Variants in RELN observed in about 807,000 individuals in gnomAD.
RELN encodes the protein reelin.
Under a neutral mutation model 427.6 loss-of-function variants are expected in RELN, and 108 were observed. The observed-to-expected ratio is 0.25, with a 90% confidence interval of 0.22 to 0.30. RELN has a LOEUF of 0.30. Ranked by LOEUF, RELN falls within the 10% of genes least tolerant of loss-of-function variation. The pLI is 1.00. For missense variants in RELN, 3,715 were observed against 4,302.8 expected (o/e 0.86, Z 3.82); for synonymous variants, 1,524 against 1,513.4 (o/e 1.01, Z -0.16).
chr7:103,874,752 G>T (rs1339992977), intron 2 of RELN, among the ~76,000 whole-genome samples: 1 of 150,788 alleles, frequency 6.6e-6, no homozygotes, highest in East Asian at 2.0e-4. Flanking sequence ...TGGGTAGGAA[G>T]AATCAATATT....
intron 3 of RELN, among the ~76,000 whole-genome samples, chr7:103,790,918 G>A (rs1371477910): frequency 5.9e-5 from 9 of 151,972 alleles, no homozygotes; most frequent in Admixed American, 3.9e-4. Context: ...GCCAGATCGC[G>A]CCACTGCACT....
chr7:103,813,935 T>G lies in RELN; in HGVS notation c.473+19602A>C, dbSNP rs528763710. On this transcript the variant is annotated intron_variant, in intron 3 of 64. Transcript: ENST00000428762. Reference sequence around the variant, plus strand: ...ACTCAAATCAATACCTATTAATCAATTTATTAACCATTTCCATATTCATGG... The same window carrying G: ...ACTCAAATCAATACCTATTAATCAAGTTATTAACCATTTCCATATTCATGG... Among the ~76,000 whole-genome samples the G allele has an allele frequency of 1.4e-4, 22 of 152,152 alleles. 1 individual carries two copies. The South Asian group carries it at 4.4e-3, about 30-fold the overall frequency.
rs1830683387 is a variant in RELN, at chr7:103,563,519, T to TA, written c.5211-1567dup. 2.0e-5 allele frequency among the ~76,000 whole-genome samples: 3 copies of TA among 152,342 alleles called. No homozygotes were observed. The highest frequency in any genetic ancestry group is 2.4e-5 in the African/African-American group (1 of 41,590). ...TGTTATCACAAGAGTCCAAAAGTTT[T>TA]AAAAAAAGTTTATATAATGGAAAAG... On this transcript the variant is annotated intron_variant, in intron 34 of 64. Transcript: ENST00000428762. This position sits in a 1 kb window ranked among gnomAD's most constrained non-coding sequence, Gnocchi z 4.1.
chr7:103,753,688 A>C (rs979296656), intron 4 of RELN, among the ~76,000 whole-genome samples: 2 of 152,226 alleles, frequency 1.3e-5, no homozygotes, highest in African/African-American at 4.8e-5. Context: ...AATACAAATT[A>C]ATAATGGTTT....
At chr7:103,643,660 T>C (rs1391640122) in intron 16 of RELN, among the ~76,000 whole-genome samples, 1 of 151,988 alleles carries the variant, frequency 6.6e-6, no homozygotes, top group African/African-American at 2.4e-5. Context: ...TGTCTAATTA[T>C]CTGTAAAGAA....
Position 103,703,695 on chromosome 7 carries a change from CTGTTCGT to C in RELN, c.806-2696_806-2690del, listed in dbSNP as rs146651122. Among the ~76,000 whole-genome samples, 258 of 152,296 alleles carry C rather than the reference CTGTTCGT, an allele frequency of 1.7e-3. 1 individual carries two copies. The highest frequency in any genetic ancestry group is 6.0e-3 in the African/African-American group (250 of 41,562). Reference sequence around the variant, plus strand: ...AAATGCAAAATATCATCTTACTTGCCTGTTCGTTTCCTTCCTTCAGGTCACTTCCAAT... The same window carrying C: ...AAATGCAAAATATCATCTTACTTGCCTTCCTTCCTTCAGGTCACTTCCAAT... On this transcript the variant is annotated intron_variant, in intron 8 of 64. Transcript: ENST00000428762.
chr7:103,632,658 G>C (rs1832495330), intron 19 of RELN, among the ~76,000 whole-genome samples: 1 of 152,064 alleles, frequency 6.6e-6, no homozygotes, highest in Non-Finnish European at 1.5e-5. Flanking sequence ...AGAGAACACA[G>C]AGACTTAAGT....
intron 53 of RELN, among the ~76,000 whole-genome samples, chr7:103,500,247 A>G (rs938892459): frequency 3.9e-5 from 6 of 152,226 alleles, no homozygotes; most frequent in Non-Finnish European, 5.9e-5. Context: ...TGACCTCTCC[A>G]TTCTTAATAC....
chr7:103,608,212 A>T (rs1250593703), intron 22 of RELN, among the ~76,000 whole-genome samples: 1 of 152,236 alleles, frequency 6.6e-6, no homozygotes, highest in Non-Finnish European at 1.5e-5. Flanking sequence ...AAATAAATAA[A>T]GTTATCAAGA....
chr7:103,932,772 T>C (rs1472063281), intron 1 of RELN, among the ~76,000 whole-genome samples: 2 of 152,094 alleles, frequency 1.3e-5, no homozygotes, highest in East Asian at 3.9e-4. Flanking sequence ...TGGGAAATGG[T>C]GTAAAACCCT....
At chr7:103,663,025 C>T (rs935207992) in intron 11 of RELN, among the ~76,000 whole-genome samples, 1 of 105,518 alleles carries the variant, frequency 9.5e-6, no homozygotes, top group African/African-American at 3.3e-5. Flanking sequence ...TTCAAAGTCA[C>T]TAAAACATTC....
chr7:103,756,758 G>GTGT (rs1554413152), intron 4 of RELN, among the ~76,000 whole-genome samples: 4 of 151,750 alleles, frequency 2.6e-5, no homozygotes, highest in Non-Finnish European at 5.9e-5. Flanking sequence ...AGTTAGGAAG[G>GTGT]TTTAATATAT....
At chr7:103,656,048 C>T (rs554387248) in intron 12 of RELN, among the ~76,000 whole-genome samples, 1 of 152,096 alleles carries the variant, frequency 6.6e-6, no homozygotes, top group African/African-American at 2.4e-5. Context: ...TTTTCTGAAT[C>T]TATAAACCTG....
Position 103,540,454 on chromosome 7 carries a change from A to G in RELN, c.6673T>C (p.Phe2225Leu), listed in dbSNP as rs375819905. 1.9e-6 allele frequency: 3 copies of G among 1,613,790 alleles called. No individual in the cohort carries two copies. In the African/African-American group the frequency reaches 4.0e-5, roughly 22 times the overall value. The stretch of plus-strand genomic sequence containing the variant: ...CCCAGTCTCATGAAGAACTGCACAA[A>G]TCTGACATTTGTAAACGTTACTGAA... ...TRDLDLSHAR[F>L]VQFFMRLGCG... The change falls in exon 44 of 65, where the codon TTT becomes CTT. Residue 2225 changes from phenylalanine (F) to leucine (L), a missense_variant and splice_region_variant. Around this residue, in one of 4 missense-constraint regions of RELN, gnomAD observed 1,310 missense variants for 1,643.0 expected, o/e 0.80. Coordinates refer to ENST00000428762, the MANE Select transcript of RELN (RefSeq NM_005045.4).
intron 50 of RELN, among the ~76,000 whole-genome samples, chr7:103,514,566 G>A (rs1029392980): frequency 6.6e-6 from 1 of 152,144 alleles, no homozygotes; most frequent in African/African-American, 2.4e-5. Context: ...GGCTGAGGCA[G>A]GAGAATTGCT....
At chr7:103,691,148 AACCCAGGGCTGACTTCAAC>A (rs1160659184) in intron 10 of RELN, among the ~76,000 whole-genome samples, 1 of 152,178 alleles carries the variant, frequency 6.6e-6, no homozygotes, top group Non-Finnish European at 1.5e-5. Flanking sequence ...GCCTTCTACC[AACCCAGGGCTGACTTCAAC>A]TTGTGACCTA....
At position 103,826,708 on chromosome 7, in the gene RELN, T is replaced by C. The variant is rs570887351; in HGVS notation, c.473+6829A>G. On this transcript the variant is annotated intron_variant, in intron 3 of 64. Coordinates refer to ENST00000428762, the MANE Select transcript of RELN (RefSeq NM_005045.4). ...GTGATAGGGAAATAACCCAAATCTC[T>C]GGCCATACCTCATTTTAAAAAATTT... 5.3e-5 allele frequency among the ~76,000 whole-genome samples: 8 copies of C among 152,198 alleles called. No homozygotes were observed. In the South Asian group the frequency reaches 1.4e-3, roughly 28 times the overall value.
chr7:103,799,912 C>T (rs2116306258), intron 3 of RELN, among the ~76,000 whole-genome samples: 1 of 152,062 alleles, frequency 6.6e-6, no homozygotes, highest in African/African-American at 2.4e-5. Context: ...AAAGAATCAA[C>T]AAAAACCACG....
chr7:103,478,849 T>A (rs778394121), intron 63 of RELN, among the ~76,000 whole-genome samples: 4 of 152,224 alleles, frequency 2.6e-5, no homozygotes, highest in Admixed American at 1.3e-4. Context: ...AGGACAAATA[T>A]GCTTTGCAAC....
Sources: allele counts gnomAD v4.1 joint callset (sites outside exome capture counted in the v4.1 genomes callset), GRCh38; gene constraint gnomAD v4.1.1; regional missense constraint gnomAD v4.1.1; non-coding constraint Gnocchi (gnomAD v3.1); transcripts MANE v1.5; gene names NCBI Gene and HGNC (gene_info 2026-07-23, HGNC 2026-07-21).